The following CDKAL1 variants were observed in gnomAD, a reference collection of about 807,000 sequenced individuals.
CDKAL1 encodes the protein threonylcarbamoyladenosine tRNA methylthiotransferase.
Under a neutral mutation model 68.2 loss-of-function variants are expected in CDKAL1, and 32 were observed. The ratio of observed to expected loss-of-function variants is 0.47; its 90% confidence interval spans 0.35 to 0.63. The LOEUF is 0.63. CDKAL1 is among the 30% of genes least tolerant of loss of function. The probability of loss-of-function intolerance (pLI) is 0.00; values close to 1 mark genes in which losing one functional copy is unlikely to be tolerated. For synonymous variants in CDKAL1, 234 were observed against 244.3 expected (o/e 0.96, Z 0.39); for missense variants, 606 against 696.7 (o/e 0.87, Z 1.47).
intron 13 of CDKAL1, among the ~76,000 whole-genome samples, chr6:21,166,720 C>T (rs1777169876): frequency 6.6e-6 from 1 of 152,012 alleles, no homozygotes; most frequent in Non-Finnish European, 1.5e-5. Flanking sequence ...AAATGTTTTA[C>T]CTGCTAAAAA....
intron 4 of CDKAL1, among the ~76,000 whole-genome samples, chr6:20,609,230 T>C (rs1359362015): frequency 6.8e-6 from 1 of 146,884 alleles, no homozygotes; most frequent in African/African-American, 2.6e-5. Context: ...TTCTTCTTTC[T>C]TCCTTCTTCC....
intron 13 of CDKAL1, among the ~76,000 whole-genome samples, chr6:21,118,622 G>T (rs1009174313): frequency 6.6e-6 from 1 of 152,172 alleles, no homozygotes; most frequent in Non-Finnish European, 1.5e-5. Flanking sequence ...AAACGTATAC[G>T]TTAACACTCT....
intron 11 of CDKAL1, among the ~76,000 whole-genome samples, chr6:21,015,489 A>G (rs1200927935): frequency 6.6e-6 from 1 of 152,070 alleles, no homozygotes; most frequent in Non-Finnish European, 1.5e-5. Context: ...CAATCTTTTA[A>G]TTGTACATTG....
At chr6:20,580,528 A>G (rs1765100860) in intron 4 of CDKAL1, among the ~76,000 whole-genome samples, 1 of 151,864 alleles carries the variant, frequency 6.6e-6, no homozygotes, top group Non-Finnish European at 1.5e-5. Context: ...TCTTCTCTAG[A>G]CTCAGGGCTT....
rs1047905324 is a variant in CDKAL1 at position 20,889,627 on chromosome 6, A to G, written c.742+43449A>G. ...TTATTTAATAGGGAATCCTTTCCCC[A>G]TTTCTTATTTTTGTCAGGTTTGTCA... On this transcript the variant is annotated intron_variant, in intron 9 of 15. Coordinates refer to ENST00000274695, the MANE Select transcript of CDKAL1 (RefSeq NM_017774.3). Among the ~76,000 whole-genome samples the G allele has an allele frequency of 5.3e-5, 8 of 152,254 alleles. No individual in the cohort carries two copies. In the East Asian group the frequency reaches 1.5e-3, roughly 29 times the overall value.
At chr6:20,863,916 G>A (rs1759772987) in intron 9 of CDKAL1, among the ~76,000 whole-genome samples, 1 of 152,056 alleles carries the variant, frequency 6.6e-6, no homozygotes, top group Non-Finnish European at 1.5e-5. Context: ...GTGCTTTTCA[G>A]ACTTGAAATA....
chr6:20,952,209 C>T (rs866799956), intron 9 of CDKAL1, among the ~76,000 whole-genome samples: 3 of 152,094 alleles, frequency 2.0e-5, no homozygotes, highest in South Asian at 2.1e-4. Flanking sequence ...CTGCCTGCCT[C>T]GGCCTCCCAA....
Position 20,846,059 on chromosome 6 carries a change from G to A in CDKAL1, c.639-16G>A. The A allele has an allele frequency of 1.3e-6, 2 of 1,544,600 alleles. No homozygotes were observed. The highest frequency in any genetic ancestry group is 1.8e-6 in the Non-Finnish European group (2 of 1,123,142). On this transcript the variant is annotated splice_polypyrimidine_tract_variant and intron_variant, in intron 8 of 15. Coordinates refer to ENST00000274695, the MANE Select transcript of CDKAL1 (RefSeq NM_017774.3). ...TTTAGAAATTTGAGTCTTATTTATTGTTATCATTTGAACAGGTGTCTCAAT... is the reference window on the plus strand; with the variant it reads ...TTTAGAAATTTGAGTCTTATTTATTATTATCATTTGAACAGGTGTCTCAAT...
At chr6:20,866,136 C>T (rs2150531849) in intron 9 of CDKAL1, among the ~76,000 whole-genome samples, 1 of 152,258 alleles carries the variant, frequency 6.6e-6, no homozygotes, top group South Asian at 2.1e-4. Flanking sequence ...GTCAGACGCC[C>T]TTGATTAGCT....
At chr6:20,627,555 T>TCAA (rs1403424124) in intron 4 of CDKAL1, among the ~76,000 whole-genome samples, 1 of 152,196 alleles carries the variant, frequency 6.6e-6, no homozygotes, top group Non-Finnish European at 1.5e-5. Context: ...CCGAATTGTT[T>TCAA]TGGCTATTTT....
chr6:21,033,598 C>T (rs561434692), intron 11 of CDKAL1, among the ~76,000 whole-genome samples: 1 of 152,150 alleles, frequency 6.6e-6, no homozygotes, highest in Middle Eastern at 3.4e-3. Context: ...GTATAAAACC[C>T]AAGCTACGGG....
chr6:20,668,635 C>T (rs191357190), intron 5 of CDKAL1, among the ~76,000 whole-genome samples: 2 of 152,288 alleles, frequency 1.3e-5, no homozygotes, highest in African/African-American at 2.4e-5. Context: ...GACCTTTCAC[C>T]CAGCTTCCTT....
intron 5 of CDKAL1, among the ~76,000 whole-genome samples, chr6:20,650,814 C>T (rs1380190074): frequency 6.6e-6 from 1 of 152,106 alleles, no homozygotes; most frequent in Admixed American, 6.5e-5. Flanking sequence ...GTAGGGAATC[C>T]TCTCCCCATT....
chr6:21,037,345 T>C (rs1769649936), intron 11 of CDKAL1, among the ~76,000 whole-genome samples: 1 of 152,358 alleles, frequency 6.6e-6, no homozygotes, highest in South Asian at 2.1e-4. Flanking sequence ...GCTTGTTTGA[T>C]CACCAGTTAT....
intron 9 of CDKAL1, among the ~76,000 whole-genome samples, chr6:20,903,640 A>G (rs571156036): frequency 6.6e-6 from 1 of 152,386 alleles, no homozygotes; most frequent in East Asian, 1.9e-4. Flanking sequence ...TTCTAAATAG[A>G]AAATGAGTTT....
chr6:21,046,954 C>G (rs1340947165), intron 11 of CDKAL1, among the ~76,000 whole-genome samples: 1 of 152,230 alleles, frequency 6.6e-6, no homozygotes, highest in Non-Finnish European at 1.5e-5. Context: ...AAGACTCCAT[C>G]TTGTACCCCT....
intron 8 of CDKAL1, among the ~76,000 whole-genome samples, chr6:20,837,341 C>A (rs1313144263): frequency 6.6e-6 from 1 of 151,650 alleles, no homozygotes; most frequent in Non-Finnish European, 1.5e-5. Flanking sequence ...TAGAACAATA[C>A]CTTTTATCCC....
At chr6:21,067,767 TACTAGATA>T (rs1376847443) in intron 12 of CDKAL1, among the ~76,000 whole-genome samples, 2 of 152,144 alleles carry the variant, frequency 1.3e-5, no homozygotes, top group Non-Finnish European at 2.9e-5. Context: ...TGATCTGCTT[TACTAGATA>T]ACTGCCAAAT....
chr6:20,735,159 T>C (rs1415783182), intron 5 of CDKAL1, among the ~76,000 whole-genome samples: 1 of 152,274 alleles, frequency 6.6e-6, no homozygotes, highest in South Asian at 2.1e-4. Context: ...CGTGAGCCAC[T>C]GCATCCGACC....
Sources: gnomAD v4.1 joint callset for allele counts (sites outside exome capture counted in the v4.1 genomes callset) on GRCh38, gnomAD v4.1.1 for gene constraint, MANE v1.5 for transcripts, NCBI Gene and HGNC (gene_info 2026-07-23, HGNC 2026-07-21) for gene names.